The following ADGRL2 variants were observed in gnomAD, a reference collection of about 807,000 sequenced individuals.
The protein encoded by ADGRL2 is calcium-independent alpha-latrotoxin receptor 2.
ADGRL2 carries 44 observed loss-of-function variants against 157.4 expected under a neutral mutation model. The ratio of observed to expected loss-of-function variants is 0.28; its 90% CI spans 0.22 to 0.36. The LOEUF (loss-of-function observed/expected upper bound fraction) is 0.36, where lower values mean the gene tolerates loss of function less well. Ranked by LOEUF, ADGRL2 falls within the 10% of genes least tolerant of loss-of-function variation. The probability of loss-of-function intolerance (pLI) is 1.00; values close to 1 mark genes in which losing one functional copy is unlikely to be tolerated. For missense variants in ADGRL2, 1,510 were observed against 1,768.9 expected (o/e 0.85, Z 2.63); for synonymous variants, 585 against 624.7 (o/e 0.94, Z 0.95).
At chr1:81,420,791 G>A (rs1471807594) in intron 1 of ADGRL2, among the ~76,000 whole-genome samples, 1 of 152,066 alleles carries the variant, frequency 6.6e-6, no homozygotes, top group Non-Finnish European at 1.5e-5. Context: ...TCGGTGGGAA[G>A]TTCAATATTA....
intron 1 of ADGRL2, among the ~76,000 whole-genome samples, chr1:81,432,222 T>C (rs1286573109): frequency 3.3e-5 from 5 of 152,200 alleles, no homozygotes; most frequent in Non-Finnish European, 5.9e-5. Context: ...ATGGAGACCA[T>C]ACGCAGTGAA....
chr1:81,347,559 G>A (rs1412192587), intron 1 of ADGRL2, among the ~76,000 whole-genome samples: 2 of 152,178 alleles, frequency 1.3e-5, no homozygotes, highest in Admixed American at 1.3e-4. Flanking sequence ...ATATTTAGCT[G>A]AGGAGATTTC....
At chr1:81,428,993 C>A (rs1334413399) in intron 1 of ADGRL2, among the ~76,000 whole-genome samples, 2 of 152,112 alleles carry the variant, frequency 1.3e-5, no homozygotes, top group Non-Finnish European at 2.9e-5. Context: ...ATGTTCTGAG[C>A]CCCGATGCCT....
intron 1 of ADGRL2, among the ~76,000 whole-genome samples, chr1:81,739,620 T>A (rs1282728959): frequency 2.0e-5 from 3 of 152,154 alleles, no homozygotes; most frequent in African/African-American, 7.2e-5. Flanking sequence ...AACAATGACT[T>A]AAATATTAAA....
At chr1:81,554,503 AT>A (rs1217190915) in intron 2 of ADGRL2, among the ~76,000 whole-genome samples, 4 of 152,034 alleles carry the variant, frequency 2.6e-5, no homozygotes, top group South Asian at 4.1e-4. Flanking sequence ...GCAAAAAAAA[AT>A]TTTTGAATGT....
intron 3 of ADGRL2, among the ~76,000 whole-genome samples, chr1:81,920,670 A>C (rs891886669): frequency 6.6e-6 from 1 of 152,098 alleles, no homozygotes; most frequent in South Asian, 2.1e-4. Flanking sequence ...TTGCGACTGC[A>C]CTGGAGTTCG....
chr1:81,310,351 C>T (rs980429267), intron 1 of ADGRL2, among the ~76,000 whole-genome samples: 4 of 152,106 alleles, frequency 2.6e-5, no homozygotes, highest in Admixed American at 6.6e-5. Flanking sequence ...TGAACTATTA[C>T]GCATGTAACT....
chr1:81,439,217 C>A (rs950479538), intron 1 of ADGRL2, among the ~76,000 whole-genome samples: 1 of 152,160 alleles, frequency 6.6e-6, no homozygotes, highest in African/African-American at 2.4e-5. Flanking sequence ...TAACCACTAA[C>A]TTTCATCTGT....
At chr1:81,986,066 G>A (rs549925015) in intron 21 of ADGRL2, among the ~76,000 whole-genome samples, 3 of 152,008 alleles carry the variant, frequency 2.0e-5, no homozygotes, top group Non-Finnish European at 2.9e-5. Flanking sequence ...ATGGAAAAAG[G>A]TGTATGTGTG....
chr1:81,895,009 G>A (rs1289996604), intron 2 of ADGRL2, among the ~76,000 whole-genome samples: 5 of 152,174 alleles, frequency 3.3e-5, no homozygotes. Flanking sequence ...GTTTCAGTGT[G>A]TTAATCTTCC....
intron 1 of ADGRL2, among the ~76,000 whole-genome samples, chr1:81,368,463 C>T (rs2100968465): frequency 6.6e-6 from 1 of 152,288 alleles, no homozygotes; most frequent in East Asian, 1.9e-4. Context: ...CCTCCACTGG[C>T]CACTTCCTTA....
intron 1 of ADGRL2, among the ~76,000 whole-genome samples, chr1:81,729,672 T>C (rs2084654762): frequency 6.6e-6 from 1 of 152,240 alleles, no homozygotes; most frequent in South Asian, 2.1e-4. Context: ...AATCATTTTC[T>C]ATTTCTCATT....
Position 81,952,973 on chromosome 1 carries a change from C to A in ADGRL2, c.1795-14C>A, listed in dbSNP as rs759160401. On this transcript the variant is annotated splice_polypyrimidine_tract_variant and intron_variant, in intron 9 of 23. Transcript: ENST00000686636. ...AAATCTAACCTCTGATTTTTCTTTT[C>A]TTTTACTTAAAAGCTCCAAAAACGA... 3 of 1,607,654 alleles carry A rather than the reference C, an allele frequency of 1.9e-6. No individual in the cohort carries two copies. The highest frequency in any genetic ancestry group is 1.7e-5 in the Admixed American group (1 of 59,884).
At chr1:81,741,930 T>C (rs2085085741) in intron 1 of ADGRL2, among the ~76,000 whole-genome samples, 1 of 151,974 alleles carries the variant, frequency 6.6e-6, no homozygotes, top group Non-Finnish European at 1.5e-5. Context: ...TTTTCAAATA[T>C]CTTATTATCT....
chr1:81,415,652 C>A (rs145433544), intron 1 of ADGRL2, among the ~76,000 whole-genome samples: 1 of 152,114 alleles, frequency 6.6e-6, no homozygotes, highest in Non-Finnish European at 1.5e-5. Flanking sequence ...ATACTCCCTG[C>A]GAGTATGACC....
At position 81,973,677 on chromosome 1, in the gene ADGRL2, A is replaced by G. The variant is rs574023467; in HGVS notation, c.3021+1759A>G. On this transcript the variant is annotated intron_variant, in intron 17 of 23. Coordinates refer to ENST00000686636, the MANE Select transcript of ADGRL2 (RefSeq NM_001366006.2). Reference sequence around the variant, plus strand: ...TTATAGTAGAGCACACTATTACTTTATAAGTCTTGTCATTATTGTCCTCTA... The same window carrying G: ...TTATAGTAGAGCACACTATTACTTTGTAAGTCTTGTCATTATTGTCCTCTA... Among the ~76,000 whole-genome samples, 5 of 152,354 alleles carry G rather than the reference A, an allele frequency of 3.3e-5. No homozygotes were observed. The South Asian group carries it at 1.0e-3, about 32-fold the overall frequency.
At chr1:81,797,143 C>T (rs2087628742), upstream of ADGRL2, among the ~76,000 whole-genome samples, 1 of 152,056 alleles carries the variant, frequency 6.6e-6, no homozygotes, top group African/African-American at 2.4e-5. Flanking sequence ...AGTTTCAGCA[C>T]CAAGCATCAT....
intron 2 of ADGRL2, among the ~76,000 whole-genome samples, chr1:81,898,266 G>A (rs1360689426): frequency 6.6e-6 from 1 of 152,194 alleles, no homozygotes; most frequent in Admixed American, 6.5e-5. Context: ...GTAAGCATTT[G>A]TTGGGTATTT....
chr1:81,445,680 C>T (rs1046612786), intron 2 of ADGRL2, among the ~76,000 whole-genome samples: 4 of 152,130 alleles, frequency 2.6e-5, no homozygotes, highest in Non-Finnish European at 5.9e-5. Flanking sequence ...AGCGGACTTA[C>T]ATAGGATCTT....
Sources: allele counts gnomAD v4.1 joint callset (sites outside exome capture counted in the v4.1 genomes callset), GRCh38; gene constraint gnomAD v4.1.1; transcripts MANE v1.5; gene names NCBI Gene and HGNC (gene_info 2026-07-23, HGNC 2026-07-21).